NCKAP5: variants seen among roughly 807,000 people sequenced by gnomAD.
NCKAP5 encodes the protein nck-associated protein 5.
NCKAP5 carries 92 observed loss-of-function variants against 167.0 expected under a neutral mutation model. The observed-to-expected ratio is 0.55, with a 90% CI of 0.47 to 0.66. The LOEUF is 0.66. Ranked by LOEUF, NCKAP5 falls within the 30% of genes least tolerant of loss-of-function variation. The pLI is 0.00. For missense variants in NCKAP5, 2,378 were observed against 2,315.0 expected, an observed-to-expected ratio of 1.03 and a Z score of -0.56; for synonymous variants, 891 against 877.4, an observed-to-expected ratio of 1.02 and a Z score of -0.27.
intron 5 of NCKAP5, among the ~76,000 whole-genome samples, chr2:133,154,514 C>G (rs1251086606): frequency 6.6e-6 from 1 of 152,234 alleles, no homozygotes; most frequent in Admixed American, 6.5e-5. Context: ...AGTAAAGTCA[C>G]TTCTGCAAGG....
intron 9 of NCKAP5, among the ~76,000 whole-genome samples, chr2:132,873,162 A>G (rs942740888): frequency 6.6e-6 from 1 of 152,128 alleles, no homozygotes; most frequent in Non-Finnish European, 1.5e-5. Context: ...GGAGTGCAGT[A>G]GCACGATCTC....
intron 3 of NCKAP5, among the ~76,000 whole-genome samples, chr2:133,404,142 T>A (rs533256361): frequency 1.3e-5 from 2 of 152,348 alleles, no homozygotes; most frequent in East Asian, 3.9e-4. Flanking sequence ...GAGACTGGCT[T>A]CCAATTTTGC....
intron 3 of NCKAP5, among the ~76,000 whole-genome samples, chr2:133,324,578 T>A (rs538663381): frequency 3.9e-5 from 6 of 152,306 alleles, no homozygotes; most frequent in Non-Finnish European, 7.4e-5. Flanking sequence ...GAATTTCCTC[T>A]AAAGTTTTCA....
intron 3 of NCKAP5, among the ~76,000 whole-genome samples, chr2:133,420,531 T>C (rs2151090010): frequency 6.6e-6 from 1 of 152,320 alleles, no homozygotes; most frequent in Non-Finnish European, 1.5e-5. Flanking sequence ...AACTGGATTG[T>C]GGTGATGGGT....
intron 8 of NCKAP5, 68 bp from the exon 9 acceptor site, chr2:132,878,984 A>G (rs1691540081): frequency 1.6e-6 from 2 of 1,230,422 alleles, no homozygotes; most frequent in South Asian, 2.4e-5. Flanking sequence ...AACTTATTCC[A>G]TACAGTTACT....
intron 8 of NCKAP5, among the ~76,000 whole-genome samples, chr2:132,939,183 T>G (rs1697087513): frequency 6.6e-6 from 1 of 152,202 alleles, no homozygotes; most frequent in African/African-American, 2.4e-5. Context: ...TCTCAAGTCT[T>G]CTCCCCACAG....
chr2:133,081,065 C>T (rs1181052912), intron 6 of NCKAP5, among the ~76,000 whole-genome samples: 2 of 152,044 alleles, frequency 1.3e-5, no homozygotes, highest in Non-Finnish European at 2.9e-5. Context: ...GGCGGACTAG[C>T]ACATCAGAAG....
At chr2:132,946,385 G>A (rs1415096406) in intron 8 of NCKAP5, among the ~76,000 whole-genome samples, 1 of 152,130 alleles carries the variant, frequency 6.6e-6, no homozygotes, top group African/African-American at 2.4e-5. Flanking sequence ...CAGTGGTAAT[G>A]AGTAATGACA....
chr2:133,222,111 T>C (rs1296751703), intron 4 of NCKAP5, among the ~76,000 whole-genome samples: 1 of 152,202 alleles, frequency 6.6e-6, no homozygotes, highest in African/African-American at 2.4e-5. Context: ...ATCATCTCTA[T>C]GATATAAAAG....
intron 6 of NCKAP5, among the ~76,000 whole-genome samples, chr2:133,090,856 T>A: frequency 6.6e-6 from 1 of 152,122 alleles, no homozygotes; most frequent in East Asian, 1.9e-4. Flanking sequence ...TTCCCTCCAC[T>A]CCACTGTCCT....
At chr2:133,465,827 A>C (rs1692540351) in intron 3 of NCKAP5, among the ~76,000 whole-genome samples, 1 of 149,024 alleles carries the variant, frequency 6.7e-6, no homozygotes, top group Admixed American at 6.7e-5. Flanking sequence ...GTGTCTGTTC[A>C]TGTCCTTCGC....
chr2:133,106,375 G>A (rs530395492), intron 6 of NCKAP5, among the ~76,000 whole-genome samples: 93 of 151,980 alleles, frequency 6.1e-4, no homozygotes, highest in Non-Finnish European at 9.3e-4. Context: ...TATGCCAGGG[G>A]ATACGTTTTA....
At chr2:133,593,627 T>C in the NCKAP5 span, among the ~76,000 whole-genome samples, 1 of 152,256 alleles carries the variant, frequency 6.6e-6, no homozygotes, top group Non-Finnish European at 1.5e-5. Context: ...GAGAGCCATC[T>C]AGTTCAGTTG....
At chr2:132,938,494 A>G (rs1216742208) in intron 8 of NCKAP5, among the ~76,000 whole-genome samples, 1 of 152,158 alleles carries the variant, frequency 6.6e-6, no homozygotes, top group Non-Finnish European at 1.5e-5. Context: ...CTGTCTGGCT[A>G]CTGGCTGGCC....
rs1484524424 is a variant in NCKAP5 at position 132,731,826 on chromosome 2, C to T, written c.5354G>A (p.Ser1785Asn). The change falls in exon 17 of 20, where the codon AGC becomes AAC. Residue 1785 changes from serine to asparagine, a missense_variant. Physicochemically the swap from Ser to Asn is conservative, Grantham distance 46 (BLOSUM62 1). Transcript: ENST00000409261. ...SSTDGQRPAD[S>N]AIVHSTSDPI... ...GTCGGATGTGGAATGAACAATGGCG[C>T]TATCTGCAGGGCGCTGGCCGTCTGT... The T allele has an allele frequency of 2.5e-6, 4 of 1,613,790 alleles. No individual in the cohort carries two copies. The highest frequency in any genetic ancestry group is 1.7e-5 in the Admixed American group (1 of 59,996).
In NCKAP5 at chr2:133,111,167, C is replaced by T. The variant is rs547920825; in HGVS notation, c.341+18811G>A. On this transcript the variant is annotated intron_variant, in intron 6 of 19. Coordinates refer to ENST00000409261, the MANE Select transcript of NCKAP5 (RefSeq NM_207363.3). ...ACAATTCCATCCATAACACACACCACGTAAGAGGAAAGAGAGAAGCCTTCT... is the reference window on the plus strand; with the variant it reads ...ACAATTCCATCCATAACACACACCATGTAAGAGGAAAGAGAGAAGCCTTCT... Among the ~76,000 whole-genome samples the T allele has an allele frequency of 5.3e-5, 8 of 152,270 alleles. No individual in the cohort carries two copies. In the South Asian group the frequency reaches 8.3e-4, roughly 16 times the overall value.
Position 132,682,672 on chromosome 2 carries a change from T to G in NCKAP5, c.5714-9367A>C, listed in dbSNP as rs544740082. On this transcript the variant is annotated intron_variant, in intron 19 of 19. Transcript: ENST00000409261. ...CACAAATATCCTGTCAAATTCAGAG[T>G]TATGGATGTGCCCACCCCAAAGGTA... 2.0e-5 allele frequency among the ~76,000 whole-genome samples: 3 copies of G among 152,268 alleles called. No homozygotes were observed. In the South Asian group the frequency reaches 6.2e-4, roughly 32 times the overall value.
the NCKAP5 span, among the ~76,000 whole-genome samples, chr2:133,601,567 T>TA: frequency 2.6e-4 from 40 of 151,438 alleles, no homozygotes; most frequent in African/African-American, 9.2e-4. Flanking sequence ...CCATCTCTAC[T>TA]AAAAAAAATA....
At chr2:133,081,828 G>A (rs2080819305) in intron 6 of NCKAP5, among the ~76,000 whole-genome samples, 1 of 152,086 alleles carries the variant, frequency 6.6e-6, no homozygotes, top group African/African-American at 2.4e-5. Context: ...AATGACATCT[G>A]CCATCAGATT....
Sources: gnomAD v4.1 joint callset for allele counts (sites outside exome capture counted in the v4.1 genomes callset) on GRCh38, gnomAD v4.1.1 for gene constraint, MANE v1.5 for transcripts, NCBI Gene and HGNC (gene_info 2026-07-23, HGNC 2026-07-21) for gene names.